FAM135B: variants seen among roughly 807,000 people sequenced by gnomAD.
The protein encoded by FAM135B is protein FAM135B.
In FAM135B, 43 loss-of-function variants were observed where a neutral mutation model predicts 127.7. That is an observed-to-expected ratio of 0.34 (90% CI 0.26 to 0.43). The LOEUF is 0.43. Ranked by LOEUF, FAM135B falls within the 20% of genes least tolerant of loss-of-function variation. The pLI is 1.00. For synonymous variants in FAM135B, 670 were observed against 665.1 expected, an observed-to-expected ratio of 1.01 and a Z score of -0.11; for missense variants, 1,558 against 1,725.6, an observed-to-expected ratio of 0.90 and a Z score of 1.72.
chr8:138,246,175 A>T (rs1413814862), intron 6 of FAM135B, among the ~76,000 whole-genome samples: 1 of 152,226 alleles, frequency 6.6e-6, no homozygotes, highest in African/African-American at 2.4e-5. Context: ...GCAATAAAAA[A>T]GAAAAATCCA....
chr8:138,436,852 T>C (rs1300829812), intron 1 of FAM135B: 4 of 152,222 alleles, frequency 2.6e-5, no homozygotes, highest in Non-Finnish European at 5.9e-5. Flanking sequence ...ACCTGCCACA[T>C]AGAGCTGTTG....
intron 1 of FAM135B, among the ~76,000 whole-genome samples, chr8:138,426,939 C>T (rs1834920577): frequency 6.6e-6 from 1 of 151,892 alleles, no homozygotes; most frequent in African/African-American, 2.4e-5. Context: ...GTTTTCTGAA[C>T]CTTGACTTAT....
intron 1 of FAM135B, among the ~76,000 whole-genome samples, chr8:138,390,582 C>T (rs900233482): frequency 1.3e-5 from 2 of 152,164 alleles, no homozygotes; most frequent in Admixed American, 6.5e-5. Flanking sequence ...CCTATCACCA[C>T]TGTATCTCCA....
At chr8:138,451,136 G>A (rs186666758) in intron 1 of FAM135B, among the ~76,000 whole-genome samples, 253 of 152,278 alleles carry the variant, frequency 1.7e-3, no homozygotes, top group South Asian at 8.5e-3. Context: ...GGATAGCCTT[G>A]ACCAATTATA....
Position 138,241,180 on chromosome 8 carries a change from C to T in FAM135B, c.669+1762G>A, listed in dbSNP as rs1036590354. ...TGATGGTCCTGTAGCAAAGGACCCA[C>T]AGCAGGGACAGTCCAATGACATGCT... On this transcript the variant is annotated intron_variant, in intron 7 of 19. Coordinates refer to ENST00000395297, the MANE Select transcript of FAM135B (RefSeq NM_015912.4). The surrounding 1 kb of genome is among the most constrained non-coding windows in gnomAD (Gnocchi z 4.8). Among the ~76,000 whole-genome samples the T allele has an allele frequency of 6.6e-6, 1 of 152,196 alleles. No individual in the cohort carries two copies. The highest frequency in any genetic ancestry group is 2.4e-5 in the African/African-American group (1 of 41,458).
chr8:138,319,742 C>T (rs1467419874), intron 2 of FAM135B, among the ~76,000 whole-genome samples: 2 of 152,202 alleles, frequency 1.3e-5, no homozygotes, highest in African/African-American at 4.8e-5. Flanking sequence ...CAACCCCTGA[C>T]ATACACCTCC....
intron 1 of FAM135B, among the ~76,000 whole-genome samples, chr8:138,431,612 T>C (rs1010062466): frequency 1.3e-5 from 2 of 152,228 alleles, no homozygotes; most frequent in African/African-American, 4.8e-5. Flanking sequence ...CTTAAAATAT[T>C]TCCTATCTAG....
intron 1 of FAM135B, among the ~76,000 whole-genome samples, chr8:138,471,271 G>A (rs577965924): frequency 5.3e-4 from 81 of 152,222 alleles, no homozygotes; most frequent in African/African-American, 1.9e-3. Context: ...GGGGTTCCTA[G>A]GGAAAGGTGA....
At chr8:138,375,293 C>T (rs1037405064) in intron 1 of FAM135B, among the ~76,000 whole-genome samples, 3 of 152,044 alleles carry the variant, frequency 2.0e-5, no homozygotes, top group Admixed American at 6.6e-5. Flanking sequence ...TTTAGAGCTA[C>T]AAAAATTGTC....
At chr8:138,477,301 T>C (rs1316966433) in intron 1 of FAM135B, 1 of 152,252 alleles carries the variant, frequency 6.6e-6, no homozygotes, top group Non-Finnish European at 1.5e-5. Context: ...CCCTGAGCTT[T>C]CTTGCATGTC....
chr8:138,443,751 G>A (rs1173029549), intron 1 of FAM135B, among the ~76,000 whole-genome samples: 1 of 151,960 alleles, frequency 6.6e-6, no homozygotes, highest in African/African-American at 2.4e-5. Context: ...TAAGACGCAG[G>A]TTATATGCCA....
chr8:138,309,550 T>C (rs918131222), intron 3 of FAM135B, among the ~76,000 whole-genome samples: 1 of 152,212 alleles, frequency 6.6e-6, no homozygotes, highest in African/African-American at 2.4e-5. Context: ...TCTTCTCATG[T>C]TCTATCATGT....
intron 12 of FAM135B, among the ~76,000 whole-genome samples, chr8:138,155,014 T>C (rs1175780246): frequency 6.6e-6 from 1 of 152,004 alleles, no homozygotes; most frequent in Non-Finnish European, 1.5e-5. Context: ...AAAGTTGAAA[T>C]GAAGGAAAAA....
rs148060613 is a variant in FAM135B at position 138,452,340 on chromosome 8, C to T, written c.-20+44331G>A. Among the ~76,000 whole-genome samples, 691 of 152,022 alleles carry T rather than the reference C, an allele frequency of 4.5e-3. 3 individuals are homozygous for T. Among genetic ancestry groups the T allele is most frequent in the African/African-American group, 0.016 (661 of 41,490 alleles). Reference sequence around the variant, plus strand: ...TTCACCACGTTGGCCAGACTGGTCTCGAACTCCTGACCTCAGGTGATCCAC... The same window carrying T: ...TTCACCACGTTGGCCAGACTGGTCTTGAACTCCTGACCTCAGGTGATCCAC... On this transcript the variant is annotated intron_variant, in intron 1 of 19. Transcript: ENST00000395297.
At chr8:138,270,014 A>T (rs1823252329) in intron 3 of FAM135B, among the ~76,000 whole-genome samples, 1 of 152,148 alleles carries the variant, frequency 6.6e-6, no homozygotes, top group Non-Finnish European at 1.5e-5. Context: ...TGAAAAAGGT[A>T]TTCATTGTTT....
At chr8:138,356,133 T>C (rs1324024205) in intron 2 of FAM135B, among the ~76,000 whole-genome samples, 17 of 152,262 alleles carry the variant, frequency 1.1e-4, no homozygotes, top group Non-Finnish European at 2.9e-5. Flanking sequence ...TCTTGGACTT[T>C]CCAGTCTCCA....
At chr8:138,322,675 G>C (rs1281242859) in intron 2 of FAM135B, among the ~76,000 whole-genome samples, 1 of 152,164 alleles carries the variant, frequency 6.6e-6, no homozygotes, top group Non-Finnish European at 1.5e-5. Flanking sequence ...ATATGGCCAG[G>C]TATGATAAAC....
intron 3 of FAM135B, among the ~76,000 whole-genome samples, chr8:138,306,383 C>T (rs1294880429): frequency 2.8e-5 from 4 of 145,428 alleles, no homozygotes; most frequent in Admixed American, 1.4e-4. Flanking sequence ...TGTGGTGAGC[C>T]GAGATTGCAC....
At chr8:138,272,622 G>A (rs983012239) in intron 3 of FAM135B, among the ~76,000 whole-genome samples, 6 of 152,192 alleles carry the variant, frequency 3.9e-5, no homozygotes, top group Non-Finnish European at 8.8e-5. Context: ...ATTAGAATAA[G>A]CCCAGTAAGG....
Sources: allele counts gnomAD v4.1 joint callset (sites outside exome capture counted in the v4.1 genomes callset), GRCh38; gene constraint gnomAD v4.1.1; non-coding constraint Gnocchi (gnomAD v3.1); transcripts MANE v1.5; gene names NCBI Gene and HGNC (gene_info 2026-07-23, HGNC 2026-07-21).